Variants in ANGPTL1 observed in about 807,000 individuals in gnomAD.
The protein encoded by ANGPTL1 is angiopoietin-related protein 1.
A neutral mutation model predicts 46.7 loss-of-function variants in ANGPTL1; 36 were observed. The observed-to-expected ratio is 0.77, with a 90% CI of 0.59 to 1.02. The LOEUF (loss-of-function observed/expected upper bound fraction) is 1.02. ANGPTL1 is among the 50% of genes least tolerant of loss of function. The pLI, the probability that ANGPTL1 is intolerant of heterozygous loss-of-function variation, is 0.00. For missense variants in ANGPTL1, 571 were observed against 594.7 expected, an observed-to-expected ratio of 0.96 and a Z score of 0.41; for synonymous variants, 221 against 204.3, an observed-to-expected ratio of 1.08 and a Z score of -0.69.
At position 178,865,083 on chromosome 1, in the gene ANGPTL1, C is replaced by T. The variant is rs1658295994; in HGVS notation, c.694G>A (p.Gly232Ser). 1.3e-6 allele frequency: 2 copies of T among 1,537,660 alleles called. No homozygotes were observed. The highest frequency in any genetic ancestry group is 1.4e-5 in the African/African-American group (1 of 72,674). Residue 232 changes from glycine to serine, a missense_variant, in exon 3 of 6, where the codon GGT (glycine) becomes AGT (serine). Physicochemically the swap from Gly to Ser is moderately conservative, Grantham distance 56. Transcript: ENST00000234816. The part of the protein sequence containing the change: ...HIPNSQQYTP[G>S]LLGGNEIQRD... ...TGAATCTCGTTACCTCCCAGCAGAC[C>T]AGGAGTATACTGTTGGCTGTTAGGA...
chr1:178,854,591 A>C (rs1305966574), intron 3 of ANGPTL1, among the ~76,000 whole-genome samples: 1 of 152,122 alleles, frequency 6.6e-6, no homozygotes, highest in Non-Finnish European at 1.5e-5. Context: ...TGTATGACTA[A>C]TAGTAATTTT....
chr1:178,861,114 T>G (rs1657977725), intron 3 of ANGPTL1, among the ~76,000 whole-genome samples: 1 of 152,212 alleles, frequency 6.6e-6, no homozygotes, highest in African/African-American at 2.4e-5. Context: ...CAAGGTCACA[T>G]AACAAAGGTA....
At chr1:178,859,833 C>A (rs77903302) in intron 3 of ANGPTL1, among the ~76,000 whole-genome samples, 1 of 103,884 alleles carries the variant, frequency 9.6e-6, no homozygotes, top group African/African-American at 3.5e-5. Flanking sequence ...CCCCCCCCCC[C>A]AACCGCCCAA....
At chr1:178,853,173 A>T in intron 4 of ANGPTL1, 1 of 985,350 alleles carries the variant, frequency 1.0e-6, no homozygotes. Context: ...ATTCATTTGC[A>T]TAGCTAGCTT....
Position 178,850,811 on chromosome 1 carries a change from A to C in ANGPTL1, c.*318T>G. The C allele has an allele frequency of 1.1e-5, 2 of 188,852 alleles. No homozygotes were observed. The highest frequency in any genetic ancestry group is 1.1e-5 in the Non-Finnish European group (1 of 92,852). The allele number at this position is 188,852 out of a possible 1,614,324, so 11.7% of individuals were successfully genotyped here. ...TTAAATAAATTGTTAAGTATCTTGA[A>C]CATGTTATTTATGATTTAAAATATA... On this transcript the variant is annotated 3_prime_UTR_variant, in exon 6 of 6. Coordinates refer to ENST00000234816, the MANE Select transcript of ANGPTL1 (RefSeq NM_004673.4).
rs200844291 is a variant in ANGPTL1 at position 178,852,697 on chromosome 1, T to A, written c.1274A>T (p.Lys425Ile). The A allele has an allele frequency of 6.2e-7, 1 of 1,613,058 alleles. No homozygotes were observed. The highest frequency in any genetic ancestry group is 8.5e-7 in the Non-Finnish European group (1 of 1,179,496). ...GKQFTTLDRDKDMYAGNCAHF... is the reference protein window; with the variant it reads ...GKQFTTLDRDIDMYAGNCAHF... Reference sequence around the variant, plus strand: ...TTCATACTTACCTGCATACATATCTTTATCTCTGTCCAGTGTGGTGAATTG... The same window carrying A: ...TTCATACTTACCTGCATACATATCTATATCTCTGTCCAGTGTGGTGAATTG... The change falls in exon 5 of 6, where the codon AAA becomes ATA. Residue 425 changes from lysine to isoleucine, a missense_variant. Physicochemically the swap from Lys to Ile is moderately radical, Grantham distance 102. Transcript: ENST00000234816.
chr1:178,864,978 G>T lies in ANGPTL1; in HGVS notation c.799C>A (p.Pro267Thr). The T allele has an allele frequency of 6.8e-7, 1 of 1,461,082 alleles. No individual in the cohort carries two copies. The highest frequency in any genetic ancestry group is 9.0e-7 in the Non-Finnish European group (1 of 1,106,102). 90.5% of individuals were successfully genotyped at this position (1,461,082 alleles called of 1,614,324 possible). The change falls in exon 3 of 6, where the codon CCA (proline) becomes ACA (threonine). Residue 267 changes from proline (P) to threonine (T), a missense_variant. Transcript: ENST00000234816. ...CCTTCATTGATGAAAGTTACCGGTG[G>T]TATCTTGAAAGGGCTTTTGGTGGGA... ...TSPTKSPFKI[P>T]PVTFINEGPF...
At chr1:178,857,492 C>G (rs1272858467) in intron 3 of ANGPTL1, among the ~76,000 whole-genome samples, 1 of 152,070 alleles carries the variant, frequency 6.6e-6, no homozygotes, top group East Asian at 1.9e-4. Context: ...ATGACAAGTA[C>G]TTTGATGGAG....
At chr1:178,869,758 T>A (rs1263736105) in intron 1 of ANGPTL1, among the ~76,000 whole-genome samples, 1 of 152,154 alleles carries the variant, frequency 6.6e-6, no homozygotes, top group Non-Finnish European at 1.5e-5. Flanking sequence ...TTAATATCTT[T>A]AATTTTTACA....
rs116112930 is a variant in ANGPTL1 at position 178,850,801 on chromosome 1, A to C, written c.*328T>G. On this transcript the variant is annotated 3_prime_UTR_variant, in exon 6 of 6. Coordinates refer to ENST00000234816, the MANE Select transcript of ANGPTL1 (RefSeq NM_004673.4). ...ATCTTAGATTTTAAATAAATTGTTA[A>C]GTATCTTGAACATGTTATTTATGAT... 3.3e-3 allele frequency: 572 copies of C among 174,958 alleles called. 5 individuals carry two copies. Among genetic ancestry groups the C allele is most frequent in the African/African-American group, 0.012 (513 of 42,564 alleles). The allele number at this position is 174,958 out of a possible 1,614,324, so 10.8% of individuals were successfully genotyped here.
chr1:178,851,116 CG>C lies in ANGPTL1; in HGVS notation c.*12del, dbSNP rs1558149024. ...CAAAGTTCTGTGTCATTTAAATTGG[CG>C]AGTGTCTCTCTTCAGTCAATAGGCT... On this transcript the variant is annotated 3_prime_UTR_variant, in exon 6 of 6. Transcript: ENST00000234816. The C allele has an allele frequency of 6.2e-7, 1 of 1,605,756 alleles. No individual in the cohort carries two copies. Among genetic ancestry groups the C allele is most frequent in the Admixed American group, 1.7e-5 (1 of 58,524 alleles).
At chr1:178,864,916 C>T (rs1015259089) in intron 3 of ANGPTL1, 38 bp downstream of exon 3, 2 of 1,347,086 alleles carry the variant, frequency 1.5e-6, no homozygotes. Flanking sequence ...AAAATATAAA[C>T]CTCATACTCC....
intron 3 of ANGPTL1, among the ~76,000 whole-genome samples, chr1:178,859,960 A>G (rs1392801340): frequency 6.6e-6 from 1 of 151,538 alleles, no homozygotes; most frequent in Non-Finnish European, 1.5e-5. Context: ...CTCGTGATCC[A>G]CCCGTCTCGG....
Position 178,851,253 on chromosome 1 carries a change from T to C in ANGPTL1, c.1352A>G (p.Asn451Ser). 6.2e-7 allele frequency: 1 copy of C among 1,613,960 alleles called. No individual in the cohort carries two copies. The highest frequency in any genetic ancestry group is 8.5e-7 in the Non-Finnish European group (1 of 1,179,886). Residue 451 changes from asparagine to serine, a missense_variant, in exon 6 of 6, where the codon AAT (asparagine) becomes AGT (serine). Coordinates refer to ENST00000234816, the MANE Select transcript of ANGPTL1 (RefSeq NM_004673.4). ...WYNACAHSNLNGVWYRGGHYR... is the reference protein window; with the variant it reads ...WYNACAHSNLSGVWYRGGHYR... ...ATGGCCTCCTCTGTACCATACTCCA[T>C]TTAGGTTAGAATGTGCACAGGCATT...
In ANGPTL1 at chr1:178,853,596, T is replaced by C; in HGVS notation, c.1015A>G (p.Lys339Glu). The change falls in exon 4 of 6, where the codon AAG becomes GAG. Residue 339 changes from lysine (K) to glutamate (E), a missense_variant and splice_region_variant. Transcript: ENST00000234816. ...VNFFRNWENY[K>E]KGFGNIDGEY... ...TTAGGTCTGCATCACTGATTTACCT[T>C]ATAATTTTCCCAATTTCTGAAGAAG... is the stretch of plus-strand genomic sequence containing the variant. 2.5e-6 allele frequency: 4 copies of C among 1,595,748 alleles called. No individual in the cohort carries two copies. The highest frequency in any genetic ancestry group is 3.4e-6 in the Non-Finnish European group (4 of 1,173,676).
At chr1:178,851,592 C>G (rs1181568655) in intron 5 of ANGPTL1, among the ~76,000 whole-genome samples, 1 of 151,772 alleles carries the variant, frequency 6.6e-6, no homozygotes, top group African/African-American at 2.4e-5. Context: ...TAGATGCAAG[C>G]AGTGTTTATA....
At chr1:178,867,692 A>G (rs569348065) in intron 2 of ANGPTL1, among the ~76,000 whole-genome samples, 10 of 152,082 alleles carry the variant, frequency 6.6e-5, no homozygotes, top group African/African-American at 2.4e-4. Flanking sequence ...AATTTTTGGT[A>G]GAATTTGTGT....
rs1657059534 is a variant in ANGPTL1, at chr1:178,849,828, A to G, written c.*1301T>C. 2 of 152,254 alleles carry G rather than the reference A, an allele frequency of 1.3e-5. No homozygotes were observed. Among genetic ancestry groups the G allele is most frequent in the Non-Finnish European group, 1.5e-5 (1 of 68,048 alleles). 9.4% of individuals were successfully genotyped at this position (152,254 alleles called of 1,614,324 possible). A position where few individuals can be genotyped will look rare whatever the true frequency, so the allele number is the denominator to read the frequency against. ...CAAATGATTATCTTCACATTAAGCT[A>G]TTCCCATGCATAGTTTGCCTCACAC... On this transcript the variant is annotated 3_prime_UTR_variant, in exon 6 of 6. Transcript: ENST00000234816.
intron 2 of ANGPTL1, among the ~76,000 whole-genome samples, chr1:178,867,988 A>G (rs1305427997): frequency 6.6e-6 from 1 of 152,124 alleles, no homozygotes; most frequent in East Asian, 1.9e-4. Context: ...TGGAGTATGG[A>G]GAATTATTAT....
Sources: gnomAD v4.1 joint callset for allele counts (sites outside exome capture counted in the v4.1 genomes callset) on GRCh38, gnomAD v4.1.1 for gene constraint, MANE v1.5 for transcripts, NCBI Gene and HGNC (gene_info 2026-07-23, HGNC 2026-07-21) for gene names.